The following MPRIP variants were observed in gnomAD, a reference collection of about 807,000 sequenced individuals.
The protein encoded by MPRIP is myosin phosphatase Rho interacting protein, also known as myosin phosphatase Rho-interacting protein.
In MPRIP, 59 loss-of-function variants were observed where a neutral mutation model predicts 234.9. The observed-to-expected ratio is 0.25, with a 90% CI of 0.20 to 0.31. MPRIP has a LOEUF of 0.31. Among genes scored for constraint, MPRIP ranks in the 10% least tolerant of loss-of-function variants. The pLI is 1.00. For synonymous variants in MPRIP, 1,144 were observed against 1,263.9 expected, an observed-to-expected ratio of 0.91 and a Z score of 2.01; for missense variants, 2,436 against 3,071.0, an observed-to-expected ratio of 0.79 and a Z score of 4.89.
In MPRIP at chr17:17,161,321, C is replaced by T. The variant is rs759327963; in HGVS notation, c.2482C>T (p.Arg828Trp). The change falls in exon 15 of 24, where the codon CGG (arginine) becomes TGG (tryptophan). Residue 828 changes from arginine (R) to tryptophan (W), a missense_variant. Coordinates refer to ENST00000651222, the MANE Select transcript of MPRIP (RefSeq NM_001364716.4). ...LQDQLRVALG[R>W]EQSAREGYVL... ...GGACCAGCTGAGGGTGGCCCTGGGCCGGGAGCAGAGCGCCCGTGAGGGCTA... is the reference window on the plus strand; with the variant it reads ...GGACCAGCTGAGGGTGGCCCTGGGCTGGGAGCAGAGCGCCCGTGAGGGCTA... 23 of 1,591,052 alleles carry T rather than the reference C, an allele frequency of 1.4e-5. No homozygotes were observed. The highest frequency in any genetic ancestry group is 6.8e-5 in the East Asian group (3 of 44,088).
Position 17,138,205 on chromosome 17 carries a change from C to A in MPRIP, c.1026C>A (p.Ala342=). The change falls in exon 7 of 24, where the codon GCC becomes GCA. Residue 342 remains alanine, a synonymous_variant. Coordinates refer to ENST00000651222, the MANE Select transcript of MPRIP (RefSeq NM_001364716.4). The surrounding 1 kb of genome is among the most constrained non-coding windows in gnomAD (Gnocchi z 5.8). ...TGGATGTGGCCAGCCAGCCACCTGC[C>A]TACGTGGACTCTGGCAGCACTAGGG... The part of the protein sequence containing the change: ...SSLDVASQPP[A]YVDSGSTRGR... 1 of 806,942 alleles carries A rather than the reference C, an allele frequency of 1.2e-6. No individual in the cohort carries two copies. The highest frequency in any genetic ancestry group is 1.9e-6 in the Non-Finnish European group (1 of 528,080). 50.0% of individuals were successfully genotyped at this position (806,942 alleles called of 1,614,324 possible).
chr17:17,181,063 T>G (rs1453008269), intron 23 of MPRIP, among the ~76,000 whole-genome samples: 1 of 152,240 alleles, frequency 6.6e-6, no homozygotes, highest in Non-Finnish European at 1.5e-5. Context: ...AGTGAGCCAC[T>G]TAGTGGCCTC....
rs776756833 is a variant in MPRIP at position 17,172,760 on chromosome 17, C to A, written c.6535C>A (p.Arg2179=). The change falls in exon 18 of 24, where the codon CGG becomes AGG. Residue 2179 remains arginine (R), a synonymous_variant. Coordinates refer to ENST00000651222, the MANE Select transcript of MPRIP (RefSeq NM_001364716.4). Reference sequence around the variant, plus strand: ...GGAGCGGGAGCTGGAGAAGAGCCAGCGGTCCCAGATCAGCAGCGTCAACTC... The same window carrying A: ...GGAGCGGGAGCTGGAGAAGAGCCAGAGGTCCCAGATCAGCAGCGTCAACTC... ...EMERELEKSQ[R]SQISSVNSDV... 1 of 1,612,300 alleles carries A rather than the reference C, an allele frequency of 6.2e-7. No homozygotes were observed. Among genetic ancestry groups the A allele is most frequent in the Non-Finnish European group, 8.5e-7 (1 of 1,180,002 alleles).
At chr17:17,129,182 T>C (rs2090549773) in intron 4 of MPRIP, among the ~76,000 whole-genome samples, 1 of 152,152 alleles carries the variant, frequency 6.6e-6, no homozygotes, top group African/African-American at 2.4e-5. Flanking sequence ...ACATAGCTCT[T>C]TTAGACGAGG....
rs533026651 is a variant in MPRIP, at chr17:17,043,543, G to A, written c.123+572G>A. The stretch of plus-strand genomic sequence containing the variant: ...ACCAGTTCCCTGGTCACTGGCCGAG[G>A]GGTGAGGAGACCTGTGGGTCCTCGG... On this transcript the variant is annotated intron_variant, in intron 1 of 23. Coordinates refer to ENST00000651222, the MANE Select transcript of MPRIP (RefSeq NM_001364716.4). 2.0e-5 allele frequency among the ~76,000 whole-genome samples: 3 copies of A among 152,318 alleles called. No individual in the cohort carries two copies. The South Asian group carries it at 6.2e-4, about 32-fold the overall frequency.
intron 23 of MPRIP, chr17:17,180,675 C>T (rs1018252525): frequency 1.1e-5 from 17 of 1,611,674 alleles, no homozygotes; most frequent in African/African-American, 6.7e-5. Flanking sequence ...AGGAGGTAAA[C>T]CGCCTCTCCC....
intron 1 of MPRIP, among the ~76,000 whole-genome samples, chr17:17,051,693 C>G (rs1597716445): frequency 6.6e-6 from 1 of 152,246 alleles, no homozygotes; most frequent in African/African-American, 2.4e-5. Context: ...CCAGAGCTCT[C>G]AAGGCATTGT....
chr17:17,101,920 A>G (rs4985728), intron 3 of MPRIP, among the ~76,000 whole-genome samples: 36,228 of 152,162 alleles, frequency 0.24, 7,947 homozygotes, highest in African/African-American at 0.57. Flanking sequence ...TTGGCCTAAA[A>G]GAGGGCTGGC....
chr17:17,184,324 GGT>G (rs2046430986), intron 23 of MPRIP, among the ~76,000 whole-genome samples: 1 of 152,240 alleles, frequency 6.6e-6, no homozygotes, highest in South Asian at 2.1e-4. Context: ...GAGGGCAGCA[GGT>G]GCTGCGGAGG....
At chr17:17,062,179 G>A (rs991293635) in intron 1 of MPRIP, among the ~76,000 whole-genome samples, 1 of 152,238 alleles carries the variant, frequency 6.6e-6, no homozygotes, top group Admixed American at 6.5e-5. Context: ...GGACAGTAGA[G>A]TGTAGGGGTT....
At chr17:17,146,202 C>A in intron 10 of MPRIP, 110 bp downstream of exon 10, 1 of 946,716 alleles carries the variant, frequency 1.1e-6, no homozygotes, top group Non-Finnish European at 1.7e-6. Flanking sequence ...CTTCCTCCTC[C>A]ATGCCCCTTG....
intron 16 of MPRIP, chr17:17,171,058 C>T (rs1032915221): frequency 6.6e-6 from 1 of 152,146 alleles, no homozygotes; most frequent in African/African-American, 2.4e-5. Flanking sequence ...GAAGGGGAGC[C>T]TGTAGCCTGA....
intron 7 of MPRIP, chr17:17,142,335 G>A: frequency 1.2e-5 from 4 of 323,172 alleles, no homozygotes; most frequent in Non-Finnish European, 1.7e-5. Context: ...GCTCAGGAGA[G>A]GCTGCCGGGT....
chr17:17,155,324 C>T (rs936745073), intron 13 of MPRIP, among the ~76,000 whole-genome samples: 1 of 151,770 alleles, frequency 6.6e-6, no homozygotes, highest in Non-Finnish European at 1.5e-5. Flanking sequence ...GTGATCTCGG[C>T]TCGCTGCAAC....
At position 17,165,782 on chromosome 17, in the gene MPRIP, C is replaced by G; in HGVS notation, c.4191C>G (p.Leu1397=). Residue 1397 remains leucine, a synonymous_variant, in exon 16 of 24, where the codon CTC becomes CTG. Coordinates refer to ENST00000651222, the MANE Select transcript of MPRIP (RefSeq NM_001364716.4). ...AGCTCTACGTCACAGAGGAAAAGCT[C>G]AAAGACGTGACCGTGAGGCTGGAGA... The part of the protein sequence containing the change: ...ETKLYVTEEK[L]KDVTVRLESQ... 1 of 1,304,630 alleles carries G rather than the reference C, an allele frequency of 7.7e-7. No homozygotes were observed. The highest frequency in any genetic ancestry group is 1.0e-6 in the Non-Finnish European group (1 of 988,974). 80.8% of individuals were successfully genotyped at this position (1,304,630 alleles called of 1,614,324 possible).
chr17:17,096,428 C>A (rs150581355), intron 3 of MPRIP, among the ~76,000 whole-genome samples: 1 of 151,662 alleles, frequency 6.6e-6, no homozygotes, highest in Non-Finnish European at 1.5e-5. Flanking sequence ...TGCTCCAGTA[C>A]CTTGGAGAAA....
rs773885374 is a variant in MPRIP, at chr17:17,142,755, C to T, written c.1379C>T (p.Pro460Leu). The T allele has an allele frequency of 1.2e-6, 2 of 1,612,322 alleles. No homozygotes were observed. Among genetic ancestry groups the T allele is most frequent in the Admixed American group, 1.7e-5 (1 of 59,982 alleles). The stretch of plus-strand genomic sequence containing the variant: ...GGCCGCAGCGAGAAGAGGGCGTTCC[C>T]TAGGAAGCGGGTGAGCTCCTGGGGC... Reference protein sequence around the residue: ...RQGRSEKRAFPRKRDFTNEAP... With the variant: ...RQGRSEKRAFLRKRDFTNEAP... Residue 460 changes from proline (P) to leucine (L), a missense_variant, in exon 8 of 24, where the codon CCT becomes CTT. Pro to Leu is a moderately conservative substitution (Grantham distance 98). Transcript: ENST00000651222.
chr17:17,146,859 C>T (rs1173191235), intron 10 of MPRIP, among the ~76,000 whole-genome samples: 6 of 152,398 alleles, frequency 3.9e-5, no homozygotes, highest in East Asian at 1.9e-4. Context: ...ACAGTGAAGA[C>T]TTGGTCTCTA....
At chr17:17,043,780 T>A in intron 1 of MPRIP, among the ~76,000 whole-genome samples, 1 of 152,186 alleles carries the variant, frequency 6.6e-6, no homozygotes, top group East Asian at 1.9e-4. Flanking sequence ...CTGCAGTGAT[T>A]GCTGTTTGAA....
Sources: gnomAD v4.1 joint callset for allele counts (sites outside exome capture counted in the v4.1 genomes callset) on GRCh38, gnomAD v4.1.1 for gene constraint, Gnocchi (gnomAD v3.1) non-coding constraint, MANE v1.5 for transcripts, NCBI Gene and HGNC (gene_info 2026-07-23, HGNC 2026-07-21) for gene names.